C6orf132: variants seen among roughly 807,000 people sequenced by gnomAD.
The protein encoded by C6orf132 is uncharacterized protein C6orf132.
Under a neutral mutation model 65.3 loss-of-function variants are expected in C6orf132, and 43 were observed. The observed-to-expected ratio is 0.66, with a 90% confidence interval of 0.52 to 0.85. The LOEUF (loss-of-function observed/expected upper bound fraction) is 0.85. C6orf132 is among the 40% of genes least tolerant of loss of function. The pLI is 0.00. For synonymous variants in C6orf132, 631 were observed against 654.1 expected, an observed-to-expected ratio of 0.96 and a Z score of 0.54; for missense variants, 1,488 against 1,548.8, an observed-to-expected ratio of 0.96 and a Z score of 0.66.
rs1766278582 is a variant in C6orf132 at position 42,101,346 on chromosome 6, T to C, written c.*2415A>G. ...GCTAGTTATTCTCTCACGTTCCCTG[T>C]TTTTTCCTTCTTACTACTCCTTGTA... On this transcript the variant is annotated 3_prime_UTR_variant, in exon 5 of 5. Coordinates refer to ENST00000341865, the MANE Select transcript of C6orf132 (RefSeq NM_001164446.3). 6.6e-6 allele frequency: 1 copy of C among 152,250 alleles called. No homozygotes were observed. Among genetic ancestry groups the C allele is most frequent in the African/African-American group, 2.4e-5 (1 of 41,448 alleles). The allele number at this position is 152,250 out of a possible 1,614,324, so 9.4% of individuals were successfully genotyped here.
chr6:42,129,566 C>T (rs1409639083), intron 1 of C6orf132, among the ~76,000 whole-genome samples: 2 of 152,150 alleles, frequency 1.3e-5, no homozygotes, highest in Non-Finnish European at 2.9e-5. Context: ...ATATGAAGGA[C>T]CTTCCTCTTC....
At chr6:42,110,150 GCTTTTGAA>G in intron 3 of C6orf132, 58 bp downstream of exon 3, 1 of 1,329,444 alleles carries the variant, frequency 7.5e-7, no homozygotes, top group Non-Finnish European at 1.0e-6. Context: ...CAGATGCTTA[GCTTTTGAA>G]CTCAGGGCCC....
At chr6:42,109,459 C>T (rs1290978910) in intron 3 of C6orf132, among the ~76,000 whole-genome samples, 2 of 140,934 alleles carry the variant, frequency 1.4e-5, no homozygotes, top group Admixed American at 1.4e-4. Flanking sequence ...ATAAATAAAG[C>T]AGTCTGAGAA....
At chr6:42,126,106 G>T (rs1766759460) in intron 2 of C6orf132, among the ~76,000 whole-genome samples, 1 of 151,986 alleles carries the variant, frequency 6.6e-6, no homozygotes, top group Admixed American at 6.6e-5. Flanking sequence ...TTTTGAGATG[G>T]AGTCTCGCTC....
rs1254436337 is a variant in C6orf132 at position 42,107,490 on chromosome 6, G to C, written c.422C>G (p.Pro141Arg). ...GQYGQDLLIPPPPPGPAPGPP... is the reference protein window; with the variant it reads ...GQYGQDLLIPRPPPGPAPGPP... ...CCCTGGGGCTGGGCCTGGGGGAGGT[G>C]GGGGGATGAGTAGATCCTGGCCATA... The change falls in exon 4 of 5, where the codon CCA (proline) becomes CGA (arginine). Residue 141 changes from proline (P) to arginine (R), a missense_variant. Physicochemically the swap from Pro to Arg is moderately radical, Grantham distance 103. Transcript: ENST00000341865. 1 of 1,547,708 alleles carries C rather than the reference G, an allele frequency of 6.5e-7. No homozygotes were observed.
intron 1 of C6orf132, 113 bp from the exon 2 acceptor site, chr6:42,128,891 C>T (rs1410795517): frequency 1.4e-6 from 1 of 719,016 alleles, no homozygotes; most frequent in Non-Finnish European, 2.4e-6. Context: ...TGCGTGTCTC[C>T]CAGTGTTGGA....
intron 2 of C6orf132, among the ~76,000 whole-genome samples, chr6:42,127,508 C>T (rs1766785573): frequency 1.3e-5 from 2 of 152,274 alleles, no homozygotes; most frequent in South Asian, 4.1e-4. Flanking sequence ...TTGTGCCAGG[C>T]AGGCAGTGCT....
chr6:42,118,664 G>A (rs531974988), intron 2 of C6orf132, among the ~76,000 whole-genome samples: 8 of 152,154 alleles, frequency 5.3e-5, no homozygotes, highest in Admixed American at 3.3e-4. Context: ...CTGGGCAGCC[G>A]GCCACAGCCA....
At chr6:42,138,850 A>ACACACACACACACACAC (rs1766991180) in intron 1 of C6orf132, among the ~76,000 whole-genome samples, 3 of 142,748 alleles carry the variant, frequency 2.1e-5, no homozygotes, top group Admixed American at 7.1e-5. Flanking sequence ...CATGCATTTA[A>ACACACACACACACACAC]ACACACACAC....
At position 42,104,971 on chromosome 6, in the gene C6orf132, ACTCCTC is replaced by A. The variant is rs150599390; in HGVS notation, c.2935_2940del (p.Glu979_Glu980del). ...GGCGGTGGGATGACCTCGAAGTTGA[ACTCCTC>A]CTCCTCCTCCTCCCTCTTGTTCGAA... is the stretch of plus-strand genomic sequence containing the variant. On this transcript the variant is annotated inframe_deletion, in exon 4 of 5. Coordinates refer to ENST00000341865, the MANE Select transcript of C6orf132 (RefSeq NM_001164446.3). This position sits in a 1 kb window ranked among gnomAD's most constrained non-coding sequence, Gnocchi z 4.1. 138,344 of 1,489,118 alleles carry A rather than the reference ACTCCTC, an allele frequency of 0.093. 7,101 individuals carry two copies. The highest frequency in any genetic ancestry group is 0.14 in the Middle Eastern group (804 of 5,742). The allele number at this position is 1,489,118 out of a possible 1,614,324, so 92.2% of individuals were successfully genotyped here. A position where few individuals can be genotyped will look rare whatever the true frequency, so the allele number is the denominator to read the frequency against.
At chr6:42,107,611 G>A (rs1190157244) in intron 3 of C6orf132, 28 bp from the exon 4 acceptor site, 4 of 1,550,332 alleles carry the variant, frequency 2.6e-6, no homozygotes, top group Non-Finnish European at 2.6e-6. Flanking sequence ...AAAGATGGGG[G>A]GCAGGAACAA....
chr6:42,136,089 G>A (rs114166673), intron 1 of C6orf132, among the ~76,000 whole-genome samples: 9,475 of 149,522 alleles, frequency 0.063, 375 homozygotes, highest in Middle Eastern at 0.11. Context: ...TTGTGCACAT[G>A]TACCCTAAAA....
chr6:42,110,611 C>T (rs1325390478), intron 2 of C6orf132, among the ~76,000 whole-genome samples: 1 of 152,198 alleles, frequency 6.6e-6, no homozygotes, highest in African/African-American at 2.4e-5. Context: ...TTTTTGTCAA[C>T]TGATCAATAC....
intron 1 of C6orf132, among the ~76,000 whole-genome samples, chr6:42,130,154 A>G (rs931576895): frequency 9.2e-5 from 14 of 152,188 alleles, no homozygotes; most frequent in Admixed American, 6.5e-4. Context: ...TCCACGTCTC[A>G]AAAGGGGCCC....
In C6orf132 at chr6:42,104,949, G is replaced by A. The variant is rs1362743264; in HGVS notation, c.2963C>T (p.Pro988Leu). The change falls in exon 4 of 5, where the codon CCG becomes CTG. Residue 988 changes from proline to leucine, a missense_variant. Physicochemically the swap from Pro to Leu is moderately conservative, Grantham distance 98. Coordinates refer to ENST00000341865, the MANE Select transcript of C6orf132 (RefSeq NM_001164446.3). This position sits in a 1 kb window ranked among gnomAD's most constrained non-coding sequence, Gnocchi z 4.1. ...EEEFNFEVIPPPPEFSNDPEP... is the reference protein window; with the variant it reads ...EEEFNFEVIPLPPEFSNDPEP... ...AGGGTCATTGCTGAACTCTGGCGGC[G>A]GTGGGATGACCTCGAAGTTGAACTC... The A allele has an allele frequency of 2.0e-6, 3 of 1,481,356 alleles. No homozygotes were observed. Among genetic ancestry groups the A allele is most frequent in the Non-Finnish European group, 1.8e-6 (2 of 1,120,502 alleles). 91.8% of individuals were successfully genotyped at this position (1,481,356 alleles called of 1,614,324 possible).
intron 1 of C6orf132, among the ~76,000 whole-genome samples, chr6:42,131,980 C>A (rs922972913): frequency 2.0e-5 from 3 of 152,172 alleles, no homozygotes; most frequent in African/African-American, 7.2e-5. Flanking sequence ...AAACGTGATA[C>A]GGGAGCAGAG....
chr6:42,109,866 G>A (rs1562034690), intron 3 of C6orf132, among the ~76,000 whole-genome samples: 4 of 152,204 alleles, frequency 2.6e-5, no homozygotes. Flanking sequence ...GGTAGGAGGG[G>A]TGAAGTGTCT....
At chr6:42,122,228 C>T (rs1387326644) in intron 2 of C6orf132, among the ~76,000 whole-genome samples, 2 of 152,074 alleles carry the variant, frequency 1.3e-5, no homozygotes, top group Non-Finnish European at 2.9e-5. Context: ...CTTCTGCCCT[C>T]CACCAGGTAT....
intron 1 of C6orf132, among the ~76,000 whole-genome samples, chr6:42,138,501 C>G (rs1166307806): frequency 6.6e-6 from 1 of 152,136 alleles, no homozygotes; most frequent in Non-Finnish European, 1.5e-5. Flanking sequence ...TGCCATGTTG[C>G]CCAGGCTGCC....
Sources: allele counts gnomAD v4.1 joint callset (sites outside exome capture counted in the v4.1 genomes callset), GRCh38; gene constraint gnomAD v4.1.1; non-coding constraint Gnocchi (gnomAD v3.1); transcripts MANE v1.5; gene names NCBI Gene and HGNC (gene_info 2026-07-23, HGNC 2026-07-21).